Variants in SLMAP observed in about 807,000 individuals in gnomAD.
SLMAP encodes the protein sarcolemma associated protein, also known as sarcolemmal membrane-associated protein.
Under a neutral mutation model 128.8 loss-of-function variants are expected in SLMAP, and 44 were observed. The ratio of observed to expected loss-of-function variants is 0.34; its 90% CI spans 0.27 to 0.44. The LOEUF is 0.44. SLMAP is among the 20% of genes least tolerant of loss of function. The pLI is 1.00. For synonymous variants in SLMAP, 327 were observed against 348.8 expected (o/e 0.94, Z 0.70); for missense variants, 787 against 985.3 (o/e 0.80, Z 2.69).
chr3:57,822,470 T>G (rs768545303), intron 2 of SLMAP, among the ~76,000 whole-genome samples: 5 of 152,220 alleles, frequency 3.3e-5, no homozygotes, highest in African/African-American at 4.8e-5. Context: ...GCATGAACTG[T>G]CTGAAGCAAC....
chr3:57,851,690 G>T (rs1179513348), intron 6 of SLMAP, among the ~76,000 whole-genome samples: 1 of 151,568 alleles, frequency 6.6e-6, no homozygotes, highest in East Asian at 2.0e-4. Flanking sequence ...TCACCATGTT[G>T]GCCAGGCTGG....
intron 12 of SLMAP, 104 bp from the exon 13 acceptor site, chr3:57,865,137 TA>T: frequency 1.6e-6 from 1 of 643,886 alleles, no homozygotes; most frequent in Non-Finnish European, 2.6e-6. Flanking sequence ...TAAAGTGTTC[TA>T]TACAATCTTA....
At chr3:57,781,085 AT>A (rs1345321068) in intron 2 of SLMAP, among the ~76,000 whole-genome samples, 1 of 152,006 alleles carries the variant, frequency 6.6e-6, no homozygotes, top group East Asian at 1.9e-4. Flanking sequence ...GAATAAAAAA[AT>A]AAAAATAAAT....
intron 3 of SLMAP, among the ~76,000 whole-genome samples, chr3:57,838,057 T>G (rs1225311774): frequency 6.6e-6 from 1 of 152,250 alleles, no homozygotes; most frequent in African/African-American, 2.4e-5. Context: ...TGCTGAACTT[T>G]CAGGGTAATG....
At chr3:57,794,552 C>T (rs888548892) in intron 2 of SLMAP, among the ~76,000 whole-genome samples, 3 of 152,108 alleles carry the variant, frequency 2.0e-5, no homozygotes, top group African/African-American at 4.8e-5. Flanking sequence ...TTTCATCACT[C>T]CCAAAAGAAA....
Position 57,927,509 on chromosome 3 carries a change from C to T in SLMAP, c.*220C>T, listed in dbSNP as rs1576538795. Reference sequence around the variant, plus strand: ...TTAAAACAGCAGAAGTACAAGAATACAGCTGTAGGGTCATTGCTTTAAATT... The same window carrying T: ...TTAAAACAGCAGAAGTACAAGAATATAGCTGTAGGGTCATTGCTTTAAATT... On this transcript the variant is annotated 3_prime_UTR_variant, in exon 25 of 25. Transcript: ENST00000671191. 1 of 493,220 alleles carries T rather than the reference C, an allele frequency of 2.0e-6. No individual in the cohort carries two copies. The highest frequency in any genetic ancestry group is 3.7e-6 in the Non-Finnish European group (1 of 268,778). The allele number at this position is 493,220 out of a possible 1,614,324, so 30.6% of individuals were successfully genotyped here. A position where few individuals can be genotyped will look rare whatever the true frequency, so the allele number is the denominator to read the frequency against.
chr3:57,842,646 T>C (rs1403703789), intron 4 of SLMAP, among the ~76,000 whole-genome samples: 1 of 152,196 alleles, frequency 6.6e-6, no homozygotes. Flanking sequence ...TTCCATCTAG[T>C]AGAACTTGTA....
chr3:57,912,356 G>A, intron 19 of SLMAP, 25 bp from the exon 20 acceptor site: 2 of 1,591,558 alleles, frequency 1.3e-6, no homozygotes, highest in South Asian at 2.2e-5. Context: ...AATGGGCCAA[G>A]AAAATGATGG....
At chr3:57,773,908 A>G (rs1352972277) in intron 2 of SLMAP, among the ~76,000 whole-genome samples, 1 of 152,176 alleles carries the variant, frequency 6.6e-6, no homozygotes, top group Non-Finnish European at 1.5e-5. Flanking sequence ...AAGGTTTTTT[A>G]TATCATTTAA....
At position 57,861,616 on chromosome 3, in the gene SLMAP, A is replaced by T. The variant is rs73834743; in HGVS notation, c.829-333A>T. 2.6e-3 allele frequency among the ~76,000 whole-genome samples: 390 copies of T among 152,300 alleles called. 1 individual carries two copies. Among genetic ancestry groups the T allele is most frequent in the African/African-American group, 9.1e-3 (380 of 41,574 alleles). The stretch of plus-strand genomic sequence containing the variant: ...CTGGATATTATTAAACTTGCTTTCA[A>T]GGATTGATAGGCTTAAAATATTTTC... On this transcript the variant is annotated intron_variant, in intron 9 of 24. Coordinates refer to ENST00000671191, the MANE Select transcript of SLMAP (RefSeq NM_001377540.1).
chr3:57,906,674 A>AAAAT (rs1338436689), intron 17 of SLMAP, among the ~76,000 whole-genome samples: 17 of 67,452 alleles, frequency 2.5e-4, no homozygotes, highest in African/African-American at 9.0e-4. Flanking sequence ...ATGAAAAAAA[A>AAAAT]ATATATATAT....
At chr3:57,855,752 A>G (rs1437593140) in intron 6 of SLMAP, among the ~76,000 whole-genome samples, 1 of 151,044 alleles carries the variant, frequency 6.6e-6, no homozygotes, top group African/African-American at 2.4e-5. Flanking sequence ...AAATAAAAAT[A>G]TTAGCTGGAG....
chr3:57,848,240 T>C (rs2094344569), intron 5 of SLMAP, among the ~76,000 whole-genome samples: 1 of 150,078 alleles, frequency 6.7e-6, no homozygotes, highest in African/African-American at 2.5e-5. Flanking sequence ...TTCTTGGTTT[T>C]TTCTCCTTCT....
chr3:57,808,712 A>G (rs1179980046), intron 2 of SLMAP, among the ~76,000 whole-genome samples: 1 of 152,196 alleles, frequency 6.6e-6, no homozygotes, highest in Non-Finnish European at 1.5e-5. Context: ...GCCATGTGGC[A>G]CTGAGAAGAA....
rs538115809 is a variant in SLMAP at position 57,867,418 on chromosome 3, A to G, written c.1237+2126A>G. Among the ~76,000 whole-genome samples, 23 of 152,310 alleles carry G rather than the reference A, an allele frequency of 1.5e-4. No homozygotes were observed. The South Asian group carries it at 3.9e-3, about 26-fold the overall frequency. On this transcript the variant is annotated intron_variant, in intron 13 of 24. Transcript: ENST00000671191. ...TAGACTGTTTTCATATTGTATTAAT[A>G]TAATTGTTAAAGACTCCTTGATTTT...
chr3:57,879,957 A>AT (rs143192097), intron 14 of SLMAP, among the ~76,000 whole-genome samples: 45,688 of 150,278 alleles, frequency 0.3, 7,255 homozygotes, highest in East Asian at 0.47. Context: ...CTCAAAAAAA[A>AT]AAAAATAAAA....
At chr3:57,869,660 A>ATATATATATATATATATT (rs1553900183) in intron 13 of SLMAP, among the ~76,000 whole-genome samples, 1 of 81,390 alleles carries the variant, frequency 1.2e-5, no homozygotes, top group Non-Finnish European at 2.5e-5. Context: ...ATATATATAT[A>ATATATATATATATATATT]ATATATATAA....
At chr3:57,762,952 G>A (rs1156656794) in intron 2 of SLMAP, among the ~76,000 whole-genome samples, 1 of 152,084 alleles carries the variant, frequency 6.6e-6, no homozygotes, top group Admixed American at 6.6e-5. Context: ...ATGAACTCCT[G>A]ACCTCAGGTG....
chr3:57,839,955 T>A (rs1040229071), intron 3 of SLMAP, among the ~76,000 whole-genome samples: 1 of 152,020 alleles, frequency 6.6e-6, no homozygotes, highest in African/African-American at 2.4e-5. Context: ...ACCAGAATGC[T>A]GGGATTACAG....
Sources: allele counts gnomAD v4.1 joint callset (sites outside exome capture counted in the v4.1 genomes callset), GRCh38; gene constraint gnomAD v4.1.1; transcripts MANE v1.5; gene names NCBI Gene and HGNC (gene_info 2026-07-23, HGNC 2026-07-21).